Variants in EIF2AK3 observed in about 807,000 individuals in gnomAD.
EIF2AK3 encodes the protein eukaryotic translation initiation factor 2-alpha kinase 3.
A neutral mutation model predicts 113.5 loss-of-function variants in EIF2AK3; 50 were observed. That is an observed-to-expected ratio of 0.44 (90% CI 0.35 to 0.56). The LOEUF (loss-of-function observed/expected upper bound fraction) is 0.56. Among genes scored for constraint, EIF2AK3 ranks in the 20% least tolerant of loss-of-function variants. The probability of loss-of-function intolerance (pLI) is 0.00; values close to 1 mark genes in which losing one functional copy is unlikely to be tolerated. For missense variants in EIF2AK3, 1,185 were observed against 1,378.0 expected, an observed-to-expected ratio of 0.86 and a Z score of 2.22; for synonymous variants, 448 against 495.4, an observed-to-expected ratio of 0.90 and a Z score of 1.27.
intron 14 of EIF2AK3, among the ~76,000 whole-genome samples, chr2:88,570,357 C>T (rs1674269939): frequency 6.6e-6 from 1 of 152,182 alleles, no homozygotes; most frequent in African/African-American, 2.4e-5. Flanking sequence ...ATGCCCTGCT[C>T]CCCCAGCTCT....
chr2:88,571,177 T>C (rs1445023901), intron 13 of EIF2AK3, 136 bp from the exon 14 acceptor site: 2 of 1,109,588 alleles, frequency 1.8e-6, no homozygotes, highest in African/African-American at 1.6e-5. Flanking sequence ...TAAAATGGGC[T>C]AACAGGAAAA....
intron 11 of EIF2AK3, among the ~76,000 whole-genome samples, chr2:88,578,635 T>C (rs1446800414): frequency 1.3e-5 from 2 of 151,756 alleles, no homozygotes; most frequent in African/African-American, 4.8e-5. Flanking sequence ...AGAGCCGAGA[T>C]TGTGCCATTG....
At chr2:88,609,536 CTGAG>C (rs1675377800) in intron 2 of EIF2AK3, among the ~76,000 whole-genome samples, 1 of 152,146 alleles carries the variant, frequency 6.6e-6, no homozygotes, top group Non-Finnish European at 1.5e-5. Context: ...AATCTTGACC[CTGAG>C]TAACACATCT....
intron 1 of EIF2AK3, among the ~76,000 whole-genome samples, chr2:88,617,386 G>C (rs1382677558): frequency 6.6e-6 from 1 of 152,152 alleles, no homozygotes; most frequent in Non-Finnish European, 1.5e-5. Flanking sequence ...ATTAACACAG[G>C]AACAGAAAAT....
chr2:88,589,079 G>A (rs1022251400), intron 6 of EIF2AK3, among the ~76,000 whole-genome samples, 178 bp from the exon 7 acceptor site: 3 of 152,086 alleles, frequency 2.0e-5, no homozygotes, highest in Non-Finnish European at 4.4e-5. Context: ...AAAACAGGGA[G>A]GGAAAGTTAC....
At chr2:88,591,635 C>T (rs750812286) in intron 4 of EIF2AK3, among the ~76,000 whole-genome samples, 4 of 152,134 alleles carry the variant, frequency 2.6e-5, no homozygotes, top group African/African-American at 4.8e-5. Flanking sequence ...TTTCAGCAGT[C>T]TTATCCTAAA....
chr2:88,581,722 A>G (rs1201947884), intron 10 of EIF2AK3, among the ~76,000 whole-genome samples: 1 of 152,142 alleles, frequency 6.6e-6, no homozygotes, highest in Non-Finnish European at 1.5e-5. Flanking sequence ...TCACTGATAT[A>G]TTAGTATTTT....
chr2:88,627,384 C>T lies in EIF2AK3; in HGVS notation c.-110G>A. On this transcript the variant is annotated 5_prime_UTR_variant, in exon 1 of 17. Coordinates refer to ENST00000303236, the MANE Select transcript of EIF2AK3 (RefSeq NM_004836.7). ...GACGTGCTAGGGACCCTACTGCCGC[C>T]CCGACGGCCTGGACAGCCAGCCGTG... 1 of 1,285,010 alleles carries T rather than the reference C, an allele frequency of 7.8e-7. No individual in the cohort carries two copies. Among genetic ancestry groups the T allele is most frequent in the Non-Finnish European group, 1.0e-6 (1 of 1,000,316 alleles). 79.6% of individuals were successfully genotyped at this position (1,285,010 alleles called of 1,614,324 possible).
chr2:88,613,592 G>C (rs1017787961), intron 2 of EIF2AK3, 132 bp downstream of exon 2: 6 of 900,596 alleles, frequency 6.7e-6, no homozygotes, highest in Non-Finnish European at 9.0e-6. Flanking sequence ...TTAAGTAATT[G>C]CCCTAAAGGG....
intron 15 of EIF2AK3, among the ~76,000 whole-genome samples, 170 bp downstream of exon 15, chr2:88,562,119 A>G (rs997863708): frequency 2.0e-5 from 3 of 152,250 alleles, no homozygotes; most frequent in African/African-American, 4.8e-5. Context: ...TGAGCTTTAA[A>G]TGGAAGCAAA....
Position 88,593,301 on chromosome 2 carries a change from T to A in EIF2AK3, c.738A>T (p.Arg246Ser), listed in dbSNP as rs769737215. 1.9e-6 allele frequency: 3 copies of A among 1,614,096 alleles called. No individual in the cohort carries two copies. Among genetic ancestry groups the A allele is most frequent in the Non-Finnish European group, 2.5e-6 (3 of 1,179,998 alleles). ...CATTGCCACTGCGAGGTCCGACAGCTCTAACAGTTTTTTGGGTACGCTGTA... is the reference window on the plus strand; with the variant it reads ...CATTGCCACTGCGAGGTCCGACAGCACTAACAGTTTTTTGGGTACGCTGTA... ...LLLQRTQKTV[R>S]AVGPRSGNEK... Residue 246 changes from arginine (R) to serine (S), a missense_variant, in exon 4 of 17, where the codon AGA becomes AGT. By Grantham distance (110) the Arg-to-Ser change is moderately radical. Transcript: ENST00000303236.
upstream of EIF2AK3, chr2:88,627,966 ATTGTAGCTC>A (rs762621177): frequency 6.6e-6 from 1 of 152,382 alleles, no homozygotes; most frequent in African/African-American, 2.4e-5. Flanking sequence ...AGGAGCTGGT[ATTGTAGCTC>A]TTCTAAAGCC....
Position 88,576,633 on chromosome 2 carries a change from T to G in EIF2AK3, c.1957A>C (p.Arg653=). The G allele has an allele frequency of 6.2e-7, 1 of 1,614,172 alleles. No individual in the cohort carries two copies. Among genetic ancestry groups the G allele is most frequent in the Non-Finnish European group, 8.5e-7 (1 of 1,180,020 alleles). ...GCTTCGAGCCAGGCATTGAAATATCTAACAATGCCCGGGTGTTCAAGCTTG... is the reference window on the plus strand; with the variant it reads ...GCTTCGAGCCAGGCATTGAAATATCGAACAATGCCCGGGTGTTCAAGCTTG... ...LAKLEHPGIV[R]YFNAWLEAPP... The change falls in exon 12 of 17, where the codon AGA becomes CGA. Residue 653 remains arginine (R), a synonymous_variant. Coordinates refer to ENST00000303236, the MANE Select transcript of EIF2AK3 (RefSeq NM_004836.7).
chr2:88,568,426 G>A (rs535583146), intron 14 of EIF2AK3, among the ~76,000 whole-genome samples: 2 of 152,294 alleles, frequency 1.3e-5, no homozygotes, highest in African/African-American at 4.8e-5. Flanking sequence ...TCAGCACCAC[G>A]TGCTCACAGG....
chr2:88,582,474 T>C (rs1674624893), intron 10 of EIF2AK3, among the ~76,000 whole-genome samples: 1 of 152,084 alleles, frequency 6.6e-6, no homozygotes, highest in Non-Finnish European at 1.5e-5. Flanking sequence ...TGTTCTCCAA[T>C]GGGAAAGGGA....
intron 1 of EIF2AK3, among the ~76,000 whole-genome samples, chr2:88,615,802 C>T (rs904240132): frequency 6.6e-6 from 1 of 152,170 alleles, no homozygotes; most frequent in African/African-American, 2.4e-5. Flanking sequence ...TTGTTATATA[C>T]TGTCTCCTAA....
intron 6 of EIF2AK3, among the ~76,000 whole-genome samples, chr2:88,589,438 T>C (rs1256110391): frequency 6.6e-6 from 1 of 152,052 alleles, no homozygotes; most frequent in Admixed American, 6.6e-5. Context: ...TCAAAATTTA[T>C]AATATTAAAG....
At chr2:88,587,126 A>T (rs1246287685) in intron 8 of EIF2AK3, among the ~76,000 whole-genome samples, 1 of 142,222 alleles carries the variant, frequency 7.0e-6, no homozygotes, top group Non-Finnish European at 1.5e-5. Flanking sequence ...AATCGCTTGA[A>T]CCCAGGAGGT....
Position 88,595,550 on chromosome 2 carries a change from AGATTCAAGAAGT to A in EIF2AK3, c.540_551del (p.Leu181_Ser184del). Reference sequence around the variant, plus strand: ...CAACATCATCTCCAAATTTATAAGAAGATTCAAGAAGTGATTCAACTGTGAAAGGAACTGTTT... The same window carrying A: ...CAACATCATCTCCAAATTTATAAGAAGATTCAACTGTGAAAGGAACTGTTT... On this transcript the variant is annotated inframe_deletion, in exon 3 of 17. Coordinates refer to ENST00000303236, the MANE Select transcript of EIF2AK3 (RefSeq NM_004836.7). The A allele has an allele frequency of 6.2e-7, 1 of 1,614,074 alleles. No homozygotes were observed. The highest frequency in any genetic ancestry group is 8.5e-7 in the Non-Finnish European group (1 of 1,179,984).
Sources: gnomAD v4.1 joint callset for allele counts (sites outside exome capture counted in the v4.1 genomes callset) on GRCh38, gnomAD v4.1.1 for gene constraint, MANE v1.5 for transcripts, NCBI Gene and HGNC (gene_info 2026-07-23, HGNC 2026-07-21) for gene names.